The following SNAP91 variants were observed in gnomAD, a reference collection of about 807,000 sequenced individuals.
SNAP91 encodes the protein synaptosome associated protein 91.
A neutral mutation model predicts 100.3 loss-of-function variants in SNAP91; 27 were observed. That is an observed-to-expected ratio of 0.27 (90% CI 0.20 to 0.37). SNAP91 has a LOEUF of 0.37. Ranked by LOEUF, SNAP91 falls within the 10% of genes least tolerant of loss-of-function variation. The pLI is 1.00. For synonymous variants in SNAP91, 404 were observed against 398.6 expected, an observed-to-expected ratio of 1.01 and a Z score of -0.16; for missense variants, 986 against 1,123.7, an observed-to-expected ratio of 0.88 and a Z score of 1.75.
chr6:83,606,888 T>C (rs1343428316), intron 13 of SNAP91, among the ~76,000 whole-genome samples: 1 of 152,200 alleles, frequency 6.6e-6, no homozygotes, highest in Non-Finnish European at 1.5e-5. Context: ...GCAATTTAAT[T>C]AGAACAGTAA....
At position 83,577,663 on chromosome 6, in the gene SNAP91, GGCAAGACT is replaced by G. The variant is rs1328959873; in HGVS notation, c.2300-1618_2300-1611del. ...AAGGGAAGAGAGGAAACTGTGATTGGGCAAGACTGCAATGCAGTCTCAATAGAAGCGTC... is the reference window on the plus strand; with the variant it reads ...AAGGGAAGAGAGGAAACTGTGATTGGGCAATGCAGTCTCAATAGAAGCGTC... On this transcript the variant is annotated intron_variant, in intron 24 of 29. Coordinates refer to ENST00000369694, the MANE Select transcript of SNAP91 (RefSeq NM_001242792.2). Among the ~76,000 whole-genome samples the G allele has an allele frequency of 3.9e-5, 6 of 152,166 alleles. 1 individual carries two copies. In the South Asian group the frequency reaches 1.2e-3, roughly 32 times the overall value.
chr6:83,695,788 C>T (rs12194716), intron 2 of SNAP91, among the ~76,000 whole-genome samples: 10,206 of 152,082 alleles, frequency 0.067, 353 homozygotes, highest in African/African-American at 0.086. Flanking sequence ...ACAATAGGGG[C>T]CAAAGTCAAA....
In SNAP91 at chr6:83,562,244, C is replaced by A. The variant is rs79379107; in HGVS notation, c.2443-1297G>T. Among the ~76,000 whole-genome samples, 22 of 152,226 alleles carry A rather than the reference C, an allele frequency of 1.4e-4. No homozygotes were observed. In the East Asian group the frequency reaches 3.7e-3, roughly 25 times the overall value. On this transcript the variant is annotated intron_variant, in intron 26 of 29. Transcript: ENST00000369694. ...AGAAATCACAAACAAAAGAAAACTA[C>A]AGCGCGATATTCCTTATGACTGTTG...
At chr6:83,591,395 T>C in intron 21 of SNAP91, 101 bp from the exon 22 acceptor site, 1 of 742,524 alleles carries the variant, frequency 1.3e-6, no homozygotes, top group South Asian at 1.6e-5. Context: ...GACATGACAG[T>C]GTACAGTGAG....
At chr6:83,682,574 T>A (rs537473370) in intron 2 of SNAP91, among the ~76,000 whole-genome samples, 15 of 152,004 alleles carry the variant, frequency 9.9e-5, no homozygotes, top group East Asian at 5.8e-4. Flanking sequence ...TATATTTTTT[T>A]AAATTTTTTT....
intron 8 of SNAP91, among the ~76,000 whole-genome samples, chr6:83,634,155 C>T (rs1242579681): frequency 6.6e-6 from 1 of 152,114 alleles, no homozygotes; most frequent in Non-Finnish European, 1.5e-5. Flanking sequence ...ATTTCTTTCT[C>T]CCTGTGGCCT....
intron 2 of SNAP91, among the ~76,000 whole-genome samples, chr6:83,700,009 A>G (rs1220392544): frequency 2.0e-5 from 3 of 152,264 alleles, no homozygotes; most frequent in African/African-American, 7.2e-5. Flanking sequence ...GTTACAAGGT[A>G]GGCACATCTA....
At chr6:83,662,536 C>T (rs2098563872) in intron 3 of SNAP91, 114 bp from the exon 4 acceptor site, 1 of 410,690 alleles carries the variant, frequency 2.4e-6, no homozygotes, top group South Asian at 7.0e-5. Context: ...CTCTTTTACT[C>T]AGTTATAAAG....
chr6:83,644,720 T>A (rs905662536), intron 7 of SNAP91, among the ~76,000 whole-genome samples: 1 of 152,188 alleles, frequency 6.6e-6, no homozygotes, highest in Non-Finnish European at 1.5e-5. Flanking sequence ...GGAGACAGCT[T>A]ACTTACAAGT....
intron 2 of SNAP91, among the ~76,000 whole-genome samples, chr6:83,705,754 G>A (rs201578677): frequency 3.3e-5 from 5 of 151,258 alleles, no homozygotes; most frequent in East Asian, 3.9e-4. Context: ...GCAGTGGGCC[G>A]ACAATGCACC....
intron 2 of SNAP91, among the ~76,000 whole-genome samples, chr6:83,687,672 G>C (rs1326640273): frequency 6.6e-6 from 1 of 152,142 alleles, no homozygotes; most frequent in Non-Finnish European, 1.5e-5. Flanking sequence ...TCCAACTACT[G>C]TGTTAAGAGT....
chr6:83,662,919 T>C (rs1325249661), intron 3 of SNAP91, among the ~76,000 whole-genome samples: 2 of 152,138 alleles, frequency 1.3e-5, no homozygotes, highest in African/African-American at 4.8e-5. Context: ...AATTGAAGAT[T>C]TGTGGCAACT....
intron 2 of SNAP91, among the ~76,000 whole-genome samples, chr6:83,668,381 G>A (rs139242867): frequency 0.019 from 2,941 of 152,198 alleles, 97 homozygotes; most frequent in African/African-American, 0.066. Context: ...ACATGCATAC[G>A]TATGTTTATT....
intron 14 of SNAP91, among the ~76,000 whole-genome samples, chr6:83,604,891 T>C (rs561467841): frequency 2.4e-4 from 37 of 152,136 alleles, no homozygotes; most frequent in Non-Finnish European, 4.3e-4. Flanking sequence ...CATTAGTGAG[T>C]TACTAAGTCT....
intron 2 of SNAP91, among the ~76,000 whole-genome samples, chr6:83,697,411 A>G (rs2099232814): frequency 6.6e-6 from 1 of 151,510 alleles, no homozygotes; most frequent in African/African-American, 2.4e-5. Context: ...TAACCATCTA[A>G]TATCTAACAG....
At chr6:83,582,071 T>C in intron 23 of SNAP91, 151 bp downstream of exon 23, 1 of 745,890 alleles carries the variant, frequency 1.3e-6, no homozygotes, top group South Asian at 2.5e-5. Flanking sequence ...TAATTTAAGT[T>C]ACTAAATGAG....
chr6:83,705,670 C>T lies in SNAP91; in HGVS notation c.130+2128G>A, dbSNP rs140975135. Among the ~76,000 whole-genome samples the T allele has an allele frequency of 9.3e-3, 1,418 of 152,026 alleles. 5 individuals carry two copies. Among genetic ancestry groups the T allele is most frequent in the Middle Eastern group, 0.062 (18 of 292 alleles). ...AAAAAATACACAAAAATGAGCCAGG[C>T]GTGGTGGTGCATTCCTGTAAGTCCC... On this transcript the variant is annotated intron_variant, in intron 2 of 29. Coordinates refer to ENST00000369694, the MANE Select transcript of SNAP91 (RefSeq NM_001242792.2).
chr6:83,564,348 T>A (rs182774700), intron 26 of SNAP91, among the ~76,000 whole-genome samples: 6 of 136,660 alleles, frequency 4.4e-5, no homozygotes, highest in Non-Finnish European at 9.3e-5. Flanking sequence ...TTTTTTTTTA[T>A]ATATATATAT....
chr6:83,669,461 T>A (rs761849284), intron 2 of SNAP91, among the ~76,000 whole-genome samples: 1 of 151,958 alleles, frequency 6.6e-6, no homozygotes, highest in African/African-American at 2.4e-5. Flanking sequence ...ATATCTGGTA[T>A]CTTTTTGGTA....
Sources: allele counts gnomAD v4.1 joint callset (sites outside exome capture counted in the v4.1 genomes callset), GRCh38; gene constraint gnomAD v4.1.1; transcripts MANE v1.5; gene names NCBI Gene and HGNC (gene_info 2026-07-23, HGNC 2026-07-21).